APLF: variants seen among roughly 807,000 people sequenced by gnomAD.
The protein encoded by APLF is aprataxin and PNK-like factor.
In APLF, 61 loss-of-function variants were observed where a neutral mutation model predicts 55.6. That is an observed-to-expected ratio of 1.10 (90% CI 0.89 to 1.36). The LOEUF (loss-of-function observed/expected upper bound fraction) is 1.36. APLF is among the 40% of genes most tolerant of loss of function. The pLI, the probability that APLF is intolerant of heterozygous loss-of-function variation, is 0.00. For synonymous variants in APLF, 207 were observed against 214.8 expected (o/e 0.96, Z 0.32); for missense variants, 611 against 602.5 (o/e 1.01, Z -0.15).
chr2:68,521,588 T>G (rs1017243762), intron 5 of APLF, among the ~76,000 whole-genome samples: 46 of 151,910 alleles, frequency 3.0e-4, no homozygotes, highest in Non-Finnish European at 5.9e-5. Flanking sequence ...TGATCTCCAG[T>G]TATCTCTGTT....
chr2:68,571,741 T>C (rs1379382829), intron 9 of APLF, among the ~76,000 whole-genome samples: 1 of 152,216 alleles, frequency 6.6e-6, no homozygotes, highest in Non-Finnish European at 1.5e-5. Context: ...CCTCCAGCTT[T>C]GTTCTTTTGG....
chr2:68,506,964 T>G (rs1235367682), intron 3 of APLF, among the ~76,000 whole-genome samples: 1 of 151,834 alleles, frequency 6.6e-6, no homozygotes. Context: ...ATAATGAAAG[T>G]ATAAAGACAT....
intron 1 of APLF, among the ~76,000 whole-genome samples, chr2:68,476,420 T>C (rs1027258861): frequency 3.3e-5 from 5 of 149,452 alleles, no homozygotes; most frequent in Non-Finnish European, 7.4e-5. Context: ...GAGGCAGAGA[T>C]TGCAATGAGC....
intron 3 of APLF, among the ~76,000 whole-genome samples, chr2:68,509,472 C>T (rs1676977254): frequency 1.3e-5 from 2 of 152,120 alleles, no homozygotes; most frequent in Non-Finnish European, 2.9e-5. Context: ...AAAAAATGCT[C>T]ATCATCACTG....
chr2:68,488,978 A>T (rs1383445936), intron 1 of APLF, among the ~76,000 whole-genome samples: 2 of 152,244 alleles, frequency 1.3e-5, no homozygotes, highest in Non-Finnish European at 2.9e-5. Context: ...ATAATAATAA[A>T]AAAAAAGGTA....
chr2:68,535,300 T>A (rs1284816947), intron 6 of APLF: 1 of 441,408 alleles, frequency 2.3e-6, no homozygotes, highest in Non-Finnish European at 4.6e-6. Context: ...TTGTCAAAAA[T>A]GGAAGTATCA....
intron 6 of APLF, 67 bp from the exon 7 acceptor site, chr2:68,537,805 C>A: frequency 8.7e-7 from 1 of 1,149,694 alleles, no homozygotes; most frequent in Non-Finnish European, 1.2e-6. Context: ...TAGTTTTGTG[C>A]TGTTATGCTC....
At chr2:68,572,131 T>C (rs927244864) in intron 9 of APLF, among the ~76,000 whole-genome samples, 1 of 144,794 alleles carries the variant, frequency 6.9e-6, no homozygotes, top group South Asian at 2.1e-4. Flanking sequence ...CATGAAATTC[T>C]ATAAACTGCT....
intron 5 of APLF, among the ~76,000 whole-genome samples, chr2:68,518,157 T>C (rs1393691190): frequency 1.6e-5 from 2 of 124,610 alleles, no homozygotes; most frequent in Non-Finnish European, 3.2e-5. Context: ...ATATTATTAA[T>C]GTATAATAGT....
rs142926285 is a variant in APLF at position 68,573,803 on chromosome 2, T to C, written c.1334-4017T>C. Among the ~76,000 whole-genome samples, 838 of 152,318 alleles carry C rather than the reference T, an allele frequency of 5.5e-3. 4 individuals carry two copies. The highest frequency in any genetic ancestry group is 0.019 in the African/African-American group (801 of 41,578). On this transcript the variant is annotated intron_variant, in intron 9 of 9. Coordinates refer to ENST00000303795, the MANE Select transcript of APLF (RefSeq NM_173545.3). ...CCTCTTTCTCTTAAACTGTGCTATT[T>C]TAAAGAGTCTTTTTGTTGGGTAAGA...
chr2:68,468,311 C>T (rs1416329867), intron 1 of APLF, among the ~76,000 whole-genome samples: 1 of 152,100 alleles, frequency 6.6e-6, no homozygotes, highest in Non-Finnish European at 1.5e-5. Flanking sequence ...TTTCTTTTAA[C>T]CTTTGGTCTC....
At chr2:68,472,976 C>T (rs1209886094) in intron 1 of APLF, among the ~76,000 whole-genome samples, 1 of 152,178 alleles carries the variant, frequency 6.6e-6, no homozygotes, top group African/African-American at 2.4e-5. Flanking sequence ...ACATTCTACA[C>T]AGTATGGTAT....
At chr2:68,556,665 A>G (rs1329776188) in intron 8 of APLF, among the ~76,000 whole-genome samples, 1 of 152,238 alleles carries the variant, frequency 6.6e-6, no homozygotes, top group Non-Finnish European at 1.5e-5. Context: ...AACTTGGTGT[A>G]AGAATGTAAA....
intron 6 of APLF, among the ~76,000 whole-genome samples, chr2:68,530,070 A>G (rs1670206940): frequency 6.6e-6 from 1 of 152,116 alleles, no homozygotes. Context: ...ACCTCTTACC[A>G]CATGCCTCCC....
At chr2:68,514,729 G>T (rs1398807266) in intron 5 of APLF, among the ~76,000 whole-genome samples, 1 of 151,764 alleles carries the variant, frequency 6.6e-6, no homozygotes. Context: ...AACCAGTAAG[G>T]TTGCAGCTTT....
At chr2:68,569,853 A>G (rs953084913) in intron 9 of APLF, among the ~76,000 whole-genome samples, 4 of 152,160 alleles carry the variant, frequency 2.6e-5, no homozygotes, top group African/African-American at 9.7e-5. Context: ...TATAGTACAC[A>G]TTATCAGGAG....
intron 2 of APLF, among the ~76,000 whole-genome samples, chr2:68,496,000 G>A (rs1462597877): frequency 6.6e-6 from 1 of 152,240 alleles, no homozygotes; most frequent in African/African-American, 2.4e-5. Context: ...TTCTCTCTTA[G>A]GCCTCTGGGC....
intron 1 of APLF, among the ~76,000 whole-genome samples, chr2:68,475,291 C>T (rs1675737424): frequency 6.6e-6 from 1 of 152,198 alleles, no homozygotes; most frequent in South Asian, 2.1e-4. Flanking sequence ...GCAAGCCAAA[C>T]AGGTTGGATG....
intron 5 of APLF, among the ~76,000 whole-genome samples, chr2:68,515,309 A>G (rs1573201562): frequency 6.7e-6 from 1 of 149,784 alleles, no homozygotes; most frequent in South Asian, 2.1e-4. Context: ...ATATATATAT[A>G]TAGGCAATAA....
Sources: gnomAD v4.1 joint callset for allele counts (sites outside exome capture counted in the v4.1 genomes callset) on GRCh38, gnomAD v4.1.1 for gene constraint, MANE v1.5 for transcripts, NCBI Gene and HGNC (gene_info 2026-07-23, HGNC 2026-07-21) for gene names.